The following CTNNA3 variants were observed in gnomAD, a reference collection of about 807,000 sequenced individuals.
The protein encoded by CTNNA3 is catenin alpha 3, also known as catenin alpha-3.
Under a neutral mutation model 95.7 loss-of-function variants are expected in CTNNA3, and 76 were observed. The ratio of observed to expected loss-of-function variants is 0.79; its 90% CI spans 0.66 to 0.96. The LOEUF (loss-of-function observed/expected upper bound fraction) is 0.96. CTNNA3 is among the 40% of genes least tolerant of loss of function. The probability of loss-of-function intolerance (pLI) is 0.00; values close to 1 mark genes in which losing one functional copy is unlikely to be tolerated. For missense variants in CTNNA3, 1,191 were observed against 1,089.8 expected, an observed-to-expected ratio of 1.09 and a Z score of -1.31; for synonymous variants, 431 against 374.4, an observed-to-expected ratio of 1.15 and a Z score of -1.74.
intron 7 of CTNNA3, among the ~76,000 whole-genome samples, chr10:66,924,219 T>C (rs1011045171): frequency 6.6e-6 from 1 of 152,210 alleles, no homozygotes; most frequent in African/African-American, 2.4e-5. Flanking sequence ...GGGAAAGCAC[T>C]GCCCTATTAA....
rs1163194044 is a variant in CTNNA3, at chr10:67,483,659, A to C, written c.579+38183T>G. Among the ~76,000 whole-genome samples the C allele has an allele frequency of 4.6e-5, 7 of 152,000 alleles. No homozygotes were observed. In the East Asian group the frequency reaches 1.4e-3, roughly 29 times the overall value. ...GCATTAGGAGATATACCTAATGCTAAATGACGAGTTAATGGGTGCAGCACA... is the reference window on the plus strand; with the variant it reads ...GCATTAGGAGATATACCTAATGCTACATGACGAGTTAATGGGTGCAGCACA... On this transcript the variant is annotated intron_variant, in intron 5 of 17. Coordinates refer to ENST00000433211, the MANE Select transcript of CTNNA3 (RefSeq NM_013266.4).
intron 13 of CTNNA3, among the ~76,000 whole-genome samples, chr10:66,117,907 G>C (rs558100742): frequency 1.6e-4 from 24 of 152,184 alleles, no homozygotes; most frequent in African/African-American, 5.5e-4. Context: ...GTGAAGTCTG[G>C]ATCATCAGGC....
chr10:67,463,262 T>C (rs1034117533), intron 5 of CTNNA3, among the ~76,000 whole-genome samples: 2 of 151,156 alleles, frequency 1.3e-5, no homozygotes, highest in African/African-American at 4.8e-5. Context: ...ATCCAATATA[T>C]TGTAAGTGCT....
At chr10:67,200,490 C>T (rs190785230) in intron 6 of CTNNA3, among the ~76,000 whole-genome samples, 1 of 152,188 alleles carries the variant, frequency 6.6e-6, no homozygotes, top group Admixed American at 6.5e-5. Context: ...AATTATCCCT[C>T]TAAACATCGG....
chr10:67,711,105 G>A (rs1395133335), intron 1 of CTNNA3, among the ~76,000 whole-genome samples: 3 of 152,190 alleles, frequency 2.0e-5, no homozygotes, highest in Non-Finnish European at 4.4e-5. Flanking sequence ...CACCATGATT[G>A]TGAGGCCTCC....
At chr10:67,593,600 T>C (rs1564768476) in intron 3 of CTNNA3, among the ~76,000 whole-genome samples, 1 of 152,180 alleles carries the variant, frequency 6.6e-6, no homozygotes, top group East Asian at 1.9e-4. Flanking sequence ...TTTTTGTATG[T>C]TGATTTTGTA....
At chr10:66,977,309 A>G (rs990936458) in intron 7 of CTNNA3, among the ~76,000 whole-genome samples, 6 of 152,004 alleles carry the variant, frequency 3.9e-5, no homozygotes, top group African/African-American at 1.4e-4. Context: ...GGTGGCTGGT[A>G]CCTGTAGTCC....
intron 5 of CTNNA3, among the ~76,000 whole-genome samples, chr10:67,392,278 T>C (rs2132774014): frequency 6.6e-6 from 1 of 152,272 alleles, no homozygotes; most frequent in South Asian, 2.1e-4. Flanking sequence ...AAGAAGACAT[T>C]TATTCAGCCA....
At chr10:67,056,771 T>C (rs181021700) in intron 7 of CTNNA3, among the ~76,000 whole-genome samples, 187 of 152,314 alleles carry the variant, frequency 1.2e-3, no homozygotes, top group African/African-American at 4.3e-3. Context: ...ATGACAACTA[T>C]GATATGAATA....
intron 5 of CTNNA3, among the ~76,000 whole-genome samples, chr10:67,486,912 C>A (rs982259462): frequency 1.3e-5 from 2 of 152,158 alleles, no homozygotes; most frequent in African/African-American, 4.8e-5. Context: ...TTACTACTTT[C>A]TTCCAAGGTC....
At chr10:67,298,274 C>T (rs1292745794) in intron 5 of CTNNA3, among the ~76,000 whole-genome samples, 2 of 152,204 alleles carry the variant, frequency 1.3e-5, no homozygotes, top group Non-Finnish European at 2.9e-5. Flanking sequence ...AGTAAATGGT[C>T]AGCAGTAGCC....
At chr10:67,380,653 C>T (rs1038869853) in intron 5 of CTNNA3, among the ~76,000 whole-genome samples, 3 of 152,256 alleles carry the variant, frequency 2.0e-5, no homozygotes, top group Admixed American at 6.5e-5. Flanking sequence ...GATGCTTCCA[C>T]ATTTGTTAAT....
At chr10:67,232,454 C>A (rs1865260397) in intron 5 of CTNNA3, among the ~76,000 whole-genome samples, 1 of 151,992 alleles carries the variant, frequency 6.6e-6, no homozygotes, top group African/African-American at 2.4e-5. Flanking sequence ...TACAGAGAAG[C>A]AAATCCTGAG....
intron 12 of CTNNA3, among the ~76,000 whole-genome samples, chr10:66,354,111 C>T (rs577605183): frequency 6.6e-6 from 1 of 151,910 alleles, no homozygotes; most frequent in African/African-American, 2.4e-5. Flanking sequence ...GGCAAAACCC[C>T]GTCTCTACTA....
intron 5 of CTNNA3, among the ~76,000 whole-genome samples, chr10:67,356,088 A>G (rs960490675): frequency 2.0e-5 from 3 of 152,016 alleles, no homozygotes; most frequent in Non-Finnish European, 2.9e-5. Flanking sequence ...TCTCTGGTCT[A>G]TGCATCCTTA....
At chr10:66,846,505 G>A (rs1169007970) in intron 7 of CTNNA3, among the ~76,000 whole-genome samples, 1 of 151,088 alleles carries the variant, frequency 6.6e-6, no homozygotes, top group Non-Finnish European at 1.5e-5. Flanking sequence ...ACAAAATGAG[G>A]GGATAGATAT....
chr10:67,011,871 G>C (rs1285984606), intron 7 of CTNNA3, among the ~76,000 whole-genome samples: 1 of 152,114 alleles, frequency 6.6e-6, no homozygotes, highest in Admixed American at 6.6e-5. Context: ...GTGGAATTCA[G>C]TCCCAGATCA....
intron 1 of CTNNA3, among the ~76,000 whole-genome samples, chr10:67,652,879 C>T (rs1313904705): frequency 1.3e-5 from 2 of 152,174 alleles, no homozygotes; most frequent in Non-Finnish European, 2.9e-5. Flanking sequence ...TCCTGCCAGA[C>T]CTAGCAAATG....
At chr10:65,952,828 T>C (rs2133213133) in intron 17 of CTNNA3, among the ~76,000 whole-genome samples, 2 of 152,344 alleles carry the variant, frequency 1.3e-5, no homozygotes, top group Admixed American at 1.3e-4. Flanking sequence ...GTCTTTCTGA[T>C]CTTTCCCCTT....
Sources: allele counts gnomAD v4.1 joint callset (sites outside exome capture counted in the v4.1 genomes callset), GRCh38; gene constraint gnomAD v4.1.1; transcripts MANE v1.5; gene names NCBI Gene and HGNC (gene_info 2026-07-23, HGNC 2026-07-21).